The following P2RY12 variants were observed in gnomAD, a reference collection of about 807,000 sequenced individuals.
P2RY12 encodes P2Y purinoceptor 12.
In P2RY12, 3 loss-of-function variants were observed where a neutral mutation model predicts 4.5. The observed-to-expected ratio is 0.67, with a 90% CI of 0.31 to 1.74. The LOEUF is 1.74. Ranked by LOEUF, P2RY12 falls within the 40% of genes most tolerant of loss-of-function variation. P2RY12 has a pLI of 0.09. For synonymous variants in P2RY12, 148 were observed against 154.1 expected (o/e 0.96, Z 0.29); for missense variants, 356 against 407.8 (o/e 0.87, Z 1.09).
chr3:151,365,851 A>G lies in P2RY12; in HGVS notation c.-180+18841T>C, dbSNP rs1020451625. ...CTGTGTCTTCTTTTTCTTTTCTAGG[A>G]TTAACGACATAGCCAATTTCTCCTC... On this transcript the variant is annotated intron_variant, in intron 1 of 2. Coordinates refer to ENST00000302632, the MANE Select transcript of P2RY12 (RefSeq NM_022788.5). The G allele has an allele frequency of 8.1e-6, 13 of 1,608,252 alleles. No homozygotes were observed. The African/African-American group carries it at 1.7e-4, about 22-fold the overall frequency.
intron 1 of P2RY12, among the ~76,000 whole-genome samples, chr3:151,343,068 C>T (rs1246795127): frequency 2.0e-5 from 3 of 152,066 alleles, no homozygotes; most frequent in Admixed American, 2.0e-4. Context: ...CTATCACACC[C>T]TCTCCTCAAC....
At chr3:151,354,150 A>G (rs1753632322) in intron 1 of P2RY12, among the ~76,000 whole-genome samples, 1 of 150,188 alleles carries the variant, frequency 6.7e-6, no homozygotes, top group Non-Finnish European at 1.5e-5. Context: ...CAAAAAAAAA[A>G]AAAAAAAAAA....
At position 151,340,638 on chromosome 3, in the gene P2RY12, G is replaced by A. The variant is rs1751692095; in HGVS notation, c.-57C>T. ...TGGAGGGTTTGAATGTATCCAGTAA[G>A]TAGTAGTTATTGCAACCTGCAGAGT... On this transcript the variant is annotated 5_prime_UTR_variant, in exon 2 of 3. Transcript: ENST00000302632. 6.6e-6 allele frequency: 1 copy of A among 152,614 alleles called. No homozygotes were observed. The highest frequency in any genetic ancestry group is 2.1e-4 in the South Asian group (1 of 4,830). The allele number at this position is 152,614 out of a possible 1,614,324, so 9.5% of individuals were successfully genotyped here. A position where few individuals can be genotyped will look rare whatever the true frequency, so the allele number is the denominator to read the frequency against.
chr3:151,357,557 T>C (rs1754079660), intron 1 of P2RY12, among the ~76,000 whole-genome samples: 1 of 152,184 alleles, frequency 6.6e-6, no homozygotes, highest in South Asian at 2.1e-4. Context: ...AGTATGTTCT[T>C]TCTAATAATG....
rs140142903 is a variant in P2RY12, at chr3:151,377,161, A to T, written c.-180+7531T>A. 4.2e-4 allele frequency: 678 copies of T among 1,610,158 alleles called. 8 individuals carry two copies. In the African/African-American group the frequency reaches 8.0e-3, roughly 19 times the overall value. ...ATACAAGTAGCACGAGACAGAATGG[A>T]ATAAAGACATTCCTAAGGTATTTTT... is the stretch of plus-strand genomic sequence containing the variant. On this transcript the variant is annotated intron_variant, in intron 1 of 2. Coordinates refer to ENST00000302632, the MANE Select transcript of P2RY12 (RefSeq NM_022788.5).
intron 1 of P2RY12, among the ~76,000 whole-genome samples, chr3:151,358,316 ACTCAG>A (rs1366257532): frequency 1.1e-4 from 16 of 152,226 alleles, no homozygotes; most frequent in African/African-American, 3.1e-4. Context: ...TTATTTAATA[ACTCAG>A]CTACTGTATA....
chr3:151,356,518 C>T lies in P2RY12; in HGVS notation c.-179-15758G>A, dbSNP rs191536250. ...GACATTGTGAATTAACAGTCTTAAA[C>T]TAACATTTTATTTAAAGTTGTGTTC... On this transcript the variant is annotated intron_variant, in intron 1 of 2. Transcript: ENST00000302632. Among the ~76,000 whole-genome samples the T allele has an allele frequency of 4.1e-3, 620 of 152,250 alleles. 1 individual carries two copies. Among genetic ancestry groups the T allele is most frequent in the Admixed American group, 6.1e-3 (94 of 15,288 alleles).
At chr3:151,361,226 T>G (rs191156756) in intron 1 of P2RY12, among the ~76,000 whole-genome samples, 55 of 152,268 alleles carry the variant, frequency 3.6e-4, no homozygotes, top group Non-Finnish European at 7.4e-5. Flanking sequence ...AGACTGTGTT[T>G]ACTTTTCCTC....
At chr3:151,365,091 C>G in intron 1 of P2RY12, 1 of 1,614,038 alleles carries the variant, frequency 6.2e-7, no homozygotes, top group South Asian at 1.1e-5. Flanking sequence ...TCCCTCAGCC[C>G]GCAGCATCAA....
intron 1 of P2RY12, among the ~76,000 whole-genome samples, chr3:151,353,067 T>G (rs996949257): frequency 1.3e-5 from 2 of 152,188 alleles, no homozygotes; most frequent in Admixed American, 6.5e-5. Context: ...AATTACATTC[T>G]TTTACATGAA....
chr3:151,355,204 C>T, intron 1 of P2RY12: 1 of 1,613,488 alleles, frequency 6.2e-7, no homozygotes, highest in Non-Finnish European at 8.5e-7. Flanking sequence ...ACTCCAGCTC[C>T]TTTCATATTT....
intron 1 of P2RY12, chr3:151,383,735 C>A: frequency 7.6e-7 from 1 of 1,310,816 alleles, no homozygotes; most frequent in Non-Finnish European, 1.1e-6. Flanking sequence ...GGTGTTCTTT[C>A]TGTTTTACAG....
intron 1 of P2RY12, among the ~76,000 whole-genome samples, chr3:151,349,724 A>G (rs1752987100): frequency 6.6e-6 from 1 of 152,194 alleles, no homozygotes; most frequent in South Asian, 2.1e-4. Context: ...ACTAGACAAT[A>G]TGTTACATGA....
At chr3:151,376,377 A>T (rs561408419) in intron 1 of P2RY12, among the ~76,000 whole-genome samples, 30 of 152,244 alleles carry the variant, frequency 2.0e-4, no homozygotes, top group Non-Finnish European at 3.7e-4. Context: ...TTTTGGGTGG[A>T]TGTACATGCT....
intron 1 of P2RY12, chr3:151,350,165 T>C (rs770559289): frequency 2.5e-6 from 4 of 1,613,606 alleles, no homozygotes; most frequent in Non-Finnish European, 3.4e-6. Flanking sequence ...ACCAAAGATA[T>C]CCTGAAAATT....
chr3:151,363,130 A>G (rs542500518), intron 1 of P2RY12, among the ~76,000 whole-genome samples: 2 of 152,212 alleles, frequency 1.3e-5, no homozygotes, highest in East Asian at 3.9e-4. Context: ...GTACCAGCAC[A>G]CAGTGAATAG....
At chr3:151,369,231 C>T (rs1458943701) in intron 1 of P2RY12, among the ~76,000 whole-genome samples, 4 of 151,994 alleles carry the variant, frequency 2.6e-5, no homozygotes, top group Non-Finnish European at 1.5e-5. Context: ...TGAGGAGGAA[C>T]GACATTGTTT....
intron 1 of P2RY12, among the ~76,000 whole-genome samples, chr3:151,354,666 C>G (rs576759011): frequency 1.3e-5 from 2 of 152,204 alleles, no homozygotes; most frequent in East Asian, 3.9e-4. Context: ...AAACTACTCA[C>G]TAGAATGGTT....
At chr3:151,382,550 T>G in intron 1 of P2RY12, 1 of 605,992 alleles carries the variant, frequency 1.7e-6, no homozygotes, top group Non-Finnish European at 2.7e-6. Context: ...TGTTTGTTAA[T>G]TTGTTAAAGA....
Sources: allele counts gnomAD v4.1 joint callset (sites outside exome capture counted in the v4.1 genomes callset), GRCh38; gene constraint gnomAD v4.1.1; transcripts MANE v1.5; gene names NCBI Gene and HGNC (gene_info 2026-07-23, HGNC 2026-07-21).